The following PHACTR3 variants were observed in gnomAD, a reference collection of about 807,000 sequenced individuals.
PHACTR3 encodes the protein protein phosphatase 1, regulatory subunit 123.
PHACTR3 carries 16 observed loss-of-function variants against 66.8 expected under a neutral mutation model. The ratio of observed to expected loss-of-function variants is 0.24; its 90% confidence interval spans 0.16 to 0.36. The LOEUF (loss-of-function observed/expected upper bound fraction) is 0.36. Among genes scored for constraint, PHACTR3 ranks in the 10% least tolerant of loss-of-function variants. The pLI, the probability that PHACTR3 is intolerant of heterozygous loss-of-function variation, is 1.00. For missense variants in PHACTR3, 647 were observed against 719.9 expected (o/e 0.90, Z 1.16); for synonymous variants, 323 against 292.1 (o/e 1.11, Z -1.08).
At chr20:59,587,128 G>C (rs2033053956) in intron 1 of PHACTR3, among the ~76,000 whole-genome samples, 1 of 152,238 alleles carries the variant, frequency 6.6e-6, no homozygotes, top group Admixed American at 6.5e-5. Flanking sequence ...CTGTAGGTGG[G>C]ATGTGGTGCC....
intron 1 of PHACTR3, among the ~76,000 whole-genome samples, chr20:59,655,198 G>A (rs552104035): frequency 3.5e-4 from 53 of 152,166 alleles, no homozygotes; most frequent in African/African-American, 1.3e-3. Context: ...TCAAAAGTGA[G>A]TGTTATCTTT....
chr20:59,700,039 C>G (rs541325713), intron 1 of PHACTR3, among the ~76,000 whole-genome samples: 1 of 152,322 alleles, frequency 6.6e-6, no homozygotes, highest in Non-Finnish European at 1.5e-5. Context: ...AGTTCTCCTT[C>G]CCTGAGGCAA....
At chr20:59,708,766 A>C (rs10470039) in intron 1 of PHACTR3, among the ~76,000 whole-genome samples, 7,004 of 152,254 alleles carry the variant, frequency 0.046, 528 homozygotes, top group African/African-American at 0.16. Context: ...ATGACAAGTG[A>C]TCTGCCCCCA....
At chr20:59,697,101 A>T (rs920354158) in intron 1 of PHACTR3, among the ~76,000 whole-genome samples, 3 of 152,176 alleles carry the variant, frequency 2.0e-5, no homozygotes, top group Admixed American at 6.5e-5. Flanking sequence ...AATTCTCCCT[A>T]GGACTCTATG....
At chr20:59,663,125 G>A (rs939938566) in intron 1 of PHACTR3, among the ~76,000 whole-genome samples, 1 of 152,190 alleles carries the variant, frequency 6.6e-6, no homozygotes, top group African/African-American at 2.4e-5. Context: ...CCTTCACGTG[G>A]CCTTTACTGT....
chr20:59,652,962 G>A (rs534266601), intron 1 of PHACTR3, among the ~76,000 whole-genome samples: 17 of 152,266 alleles, frequency 1.1e-4, no homozygotes, highest in Middle Eastern at 3.4e-3. Flanking sequence ...AGTAAAAAGC[G>A]AGCACTAACG....
At chr20:59,791,459 C>G (rs1395091825) in intron 7 of PHACTR3, among the ~76,000 whole-genome samples, 3 of 152,196 alleles carry the variant, frequency 2.0e-5, no homozygotes, top group African/African-American at 7.2e-5. Flanking sequence ...AAGGGTGGCT[C>G]TGACTGGGAC....
intron 12 of PHACTR3, among the ~76,000 whole-genome samples, chr20:59,845,654 TTAC>T (rs1168180442): frequency 7.2e-5 from 11 of 152,184 alleles, no homozygotes; most frequent in Non-Finnish European, 1.5e-4. Context: ...ACCTTCACAT[TTAC>T]TTTTTCCTAT....
chr20:59,690,207 GCT>G (rs1183829576), intron 1 of PHACTR3, among the ~76,000 whole-genome samples: 1 of 152,194 alleles, frequency 6.6e-6, no homozygotes, highest in Non-Finnish European at 1.5e-5. Flanking sequence ...GATGGTCTGA[GCT>G]GTGCTAGAAC....
chr20:59,748,007 G>C (rs905390464), intron 3 of PHACTR3, among the ~76,000 whole-genome samples, 172 bp downstream of exon 3: 1 of 152,148 alleles, frequency 6.6e-6, no homozygotes, highest in East Asian at 1.9e-4. Flanking sequence ...CCATTCCATT[G>C]GTCCAGCCCC....
At chr20:59,606,729 C>T (rs2033683444) in intron 1 of PHACTR3, among the ~76,000 whole-genome samples, 2 of 152,000 alleles carry the variant, frequency 1.3e-5, no homozygotes, top group Non-Finnish European at 2.9e-5. Context: ...TGAGTTTATG[C>T]CTCTGTGGGT....
chr20:59,771,441 G>C (rs2040357729), intron 5 of PHACTR3, among the ~76,000 whole-genome samples: 1 of 152,100 alleles, frequency 6.6e-6, no homozygotes, highest in South Asian at 2.1e-4. Flanking sequence ...TTCTTGCATG[G>C]CTGGCTCCTT....
At chr20:59,671,001 C>T (rs1055938810) in intron 1 of PHACTR3, among the ~76,000 whole-genome samples, 1 of 152,188 alleles carries the variant, frequency 6.6e-6, no homozygotes. Flanking sequence ...CATGCTTTCT[C>T]AGCAACCTTG....
intron 3 of PHACTR3, among the ~76,000 whole-genome samples, chr20:59,749,477 G>A (rs777472128): frequency 9.2e-5 from 14 of 152,156 alleles, no homozygotes; most frequent in Admixed American, 2.0e-4. Flanking sequence ...GGCTGGAGAC[G>A]AATGCTTGGC....
At chr20:59,587,835 T>A (rs1221658455) in intron 1 of PHACTR3, among the ~76,000 whole-genome samples, 1 of 152,188 alleles carries the variant, frequency 6.6e-6, no homozygotes, top group East Asian at 1.9e-4. Context: ...CTGGCTCACG[T>A]CTACCTTCAA....
intron 1 of PHACTR3, among the ~76,000 whole-genome samples, chr20:59,647,939 A>C (rs1418869582): frequency 1.3e-5 from 2 of 152,200 alleles, no homozygotes; most frequent in African/African-American, 4.8e-5. Context: ...ACTTTGCTTC[A>C]TCTAGACTGT....
intron 1 of PHACTR3, among the ~76,000 whole-genome samples, chr20:59,649,917 GA>G (rs2035405960): frequency 6.6e-6 from 1 of 152,160 alleles, no homozygotes; most frequent in African/African-American, 2.4e-5. Flanking sequence ...ATAATTTATA[GA>G]TGTGCATCCA....
chr20:59,760,757 C>A (rs2146842760), intron 4 of PHACTR3, among the ~76,000 whole-genome samples: 1 of 152,244 alleles, frequency 6.6e-6, no homozygotes, highest in Middle Eastern at 3.4e-3. Context: ...CCAGAAGGAT[C>A]CGGTGTTTTG....
chr20:59,737,647 G>A (rs1433921202), intron 1 of PHACTR3, among the ~76,000 whole-genome samples: 1 of 152,028 alleles, frequency 6.6e-6, no homozygotes, highest in African/African-American at 2.4e-5. Flanking sequence ...AAATAGTGAG[G>A]AGTGCCATCC....
Sources: gnomAD v4.1 joint callset for allele counts (sites outside exome capture counted in the v4.1 genomes callset) on GRCh38, gnomAD v4.1.1 for gene constraint, MANE v1.5 for transcripts, NCBI Gene and HGNC (gene_info 2026-07-23, HGNC 2026-07-21) for gene names.